Variants in RBM6 observed in about 807,000 individuals in gnomAD.
RBM6 encodes RNA binding motif protein 6, also known as RNA-binding protein 6.
In RBM6, 23 loss-of-function variants were observed where a neutral mutation model predicts 140.4. That is an observed-to-expected ratio of 0.16 (90% CI 0.12 to 0.23). The LOEUF (loss-of-function observed/expected upper bound fraction) is 0.23. RBM6 is among the 10% of genes least tolerant of loss of function. The pLI, the probability that RBM6 is intolerant of heterozygous loss-of-function variation, is 1.00. For missense variants in RBM6, 1,139 were observed against 1,386.7 expected (o/e 0.82, Z 2.84); for synonymous variants, 439 against 475.6 (o/e 0.92, Z 1.00).
intron 7 of RBM6, among the ~76,000 whole-genome samples, chr3:50,049,860 T>TC (rs1320381518): frequency 6.6e-6 from 1 of 152,016 alleles, no homozygotes; most frequent in African/African-American, 2.4e-5. Flanking sequence ...TTTTTTTTTT[T>TC]TTTTTAAATA....
chr3:50,049,508 A>T (rs2089376331), intron 7 of RBM6, among the ~76,000 whole-genome samples: 2 of 152,186 alleles, frequency 1.3e-5, no homozygotes, highest in Non-Finnish European at 2.9e-5. Flanking sequence ...TATGAAAAAT[A>T]TATAAAGTTT....
chr3:50,054,514 T>C, intron 8 of RBM6, 119 bp downstream of exon 8: 1 of 980,184 alleles, frequency 1.0e-6, no homozygotes, highest in South Asian at 1.4e-5. Flanking sequence ...AAACCTTTTT[T>C]TTTTTTTTTG....
intron 1 of RBM6, among the ~76,000 whole-genome samples, chr3:49,952,488 G>A (rs1469759253): frequency 6.8e-6 from 1 of 147,490 alleles, no homozygotes; most frequent in Admixed American, 6.8e-5. Context: ...TTTAAATTAG[G>A]TTACTTATCC....
chr3:49,991,918 C>CTTTAT (rs138310398), intron 5 of RBM6, among the ~76,000 whole-genome samples: 11,180 of 132,924 alleles, frequency 0.084, 1,466 homozygotes, highest in African/African-American at 0.29. Context: ...ATCCCAGAGC[C>CTTTAT]TTTATTTTAT....
At chr3:49,991,598 T>C (rs1318966779) in intron 5 of RBM6, among the ~76,000 whole-genome samples, 1 of 152,168 alleles carries the variant, frequency 6.6e-6, no homozygotes, top group East Asian at 1.9e-4. Flanking sequence ...ACAGACCAAG[T>C]ATCTTTCTGT....
In RBM6 at chr3:49,967,521, T is replaced by G; in HGVS notation, c.96T>G (p.Pro32=). ...CCGGGTGGAACAGGGATTATCCTCC[T>G]CCTCCCCTTAAGAGTCATGCTCAAG... ...FAPGWNRDYP[P]PPLKSHAQER... Residue 32 remains proline, a synonymous_variant, in exon 3 of 21, where the codon CCT becomes CCG. Coordinates refer to ENST00000266022, the MANE Select transcript of RBM6 (RefSeq NM_005777.3). The surrounding 1 kb of genome is among the most constrained non-coding windows in gnomAD (Gnocchi z 4.0). 7 of 1,614,126 alleles carry G rather than the reference T, an allele frequency of 4.3e-6. No homozygotes were observed. Among genetic ancestry groups the G allele is most frequent in the Non-Finnish European group, 5.9e-6 (7 of 1,180,016 alleles).
intron 1 of RBM6, among the ~76,000 whole-genome samples, chr3:49,956,634 C>A (rs1042979682): frequency 2.0e-5 from 3 of 148,314 alleles, no homozygotes; most frequent in Non-Finnish European, 3.0e-5. Flanking sequence ...GCCTGGCCCA[C>A]GCTTTATTTT....
At chr3:49,941,604 CA>C (rs1424715750) in intron 1 of RBM6, among the ~76,000 whole-genome samples, 1 of 132,730 alleles carries the variant, frequency 7.5e-6, no homozygotes, top group East Asian at 2.4e-4. Flanking sequence ...TGCTCCATTG[CA>C]CTCCAGCCTG....
rs79479418 is a variant in RBM6, at chr3:50,043,021, T to G, written c.1558-5224T>G. 7.5e-3 allele frequency among the ~76,000 whole-genome samples: 1,148 copies of G among 152,322 alleles called. 7 individuals are homozygous for G. Among genetic ancestry groups the G allele is most frequent in the South Asian group, 0.013 (62 of 4,830 alleles). ...TCTGGAGTGCAAATATCTAGCTTTT[T>G]GCAGCTTCATATTAAGATTTCTTGA... On this transcript the variant is annotated intron_variant, in intron 6 of 20. Transcript: ENST00000266022.
intron 8 of RBM6, among the ~76,000 whole-genome samples, chr3:50,057,076 G>C (rs1486680087): frequency 6.6e-6 from 1 of 152,152 alleles, no homozygotes; most frequent in African/African-American, 2.4e-5. Context: ...CAGATGTGTT[G>C]TTATCATTGA....
chr3:50,022,921 A>G (rs905245316), intron 6 of RBM6, among the ~76,000 whole-genome samples: 4 of 152,048 alleles, frequency 2.6e-5, no homozygotes, highest in Admixed American at 6.6e-5. Flanking sequence ...CAATGTAGCA[A>G]AACCCCATCT....
chr3:49,988,623 C>T (rs908599842), intron 5 of RBM6, among the ~76,000 whole-genome samples: 2 of 152,180 alleles, frequency 1.3e-5, no homozygotes, highest in African/African-American at 4.8e-5. Context: ...TGAATGCCCA[C>T]AGATGCTTTT....
chr3:50,074,727 T>C (rs1272973121), intron 19 of RBM6, among the ~76,000 whole-genome samples: 2 of 152,240 alleles, frequency 1.3e-5, no homozygotes, highest in African/African-American at 4.8e-5. Flanking sequence ...GTAGTCTGTG[T>C]ACCCAGCAAC....
intron 6 of RBM6, among the ~76,000 whole-genome samples, chr3:50,042,579 T>C (rs2088986203): frequency 6.6e-6 from 1 of 151,568 alleles, no homozygotes; most frequent in African/African-American, 2.4e-5. Flanking sequence ...ACAAAAAAAT[T>C]TAAAAATTAG....
At chr3:50,004,770 C>T (rs2086501467) in intron 6 of RBM6, among the ~76,000 whole-genome samples, 1 of 152,004 alleles carries the variant, frequency 6.6e-6, no homozygotes, top group South Asian at 2.1e-4. Flanking sequence ...AGGCACCTGC[C>T]ACCATGTTCG....
At chr3:49,942,218 G>C (rs2083315750) in intron 1 of RBM6, among the ~76,000 whole-genome samples, 1 of 151,908 alleles carries the variant, frequency 6.6e-6, no homozygotes, top group Non-Finnish European at 1.5e-5. Context: ...AGCCAGGCAC[G>C]GTGGCTCACG....
chr3:49,969,490 T>C (rs2084681303), intron 3 of RBM6, among the ~76,000 whole-genome samples: 1 of 147,268 alleles, frequency 6.8e-6, no homozygotes, highest in Non-Finnish European at 1.5e-5. Flanking sequence ...AATATATATG[T>C]ATATATATGA....
Position 50,059,752 on chromosome 3 carries a change from G to A in RBM6, c.2228+6G>A. The A allele has an allele frequency of 1.9e-6, 3 of 1,610,370 alleles. No individual in the cohort carries two copies. Among genetic ancestry groups the A allele is most frequent in the Middle Eastern group, 1.7e-4 (1 of 6,048 alleles). ...CTGGCCACTGGAAAACGAAGGTAAGGCAGAAGGGTGAGGATCTCTTGTGCT... is the reference window on the plus strand; with the variant it reads ...CTGGCCACTGGAAAACGAAGGTAAGACAGAAGGGTGAGGATCTCTTGTGCT... On this transcript the variant is annotated splice_donor_region_variant and intron_variant, in intron 11 of 20. Coordinates refer to ENST00000266022, the MANE Select transcript of RBM6 (RefSeq NM_005777.3).
At chr3:50,048,137 C>A in intron 6 of RBM6, 108 bp from the exon 7 acceptor site, 1 of 1,500,532 alleles carries the variant, frequency 6.7e-7, no homozygotes, top group Non-Finnish European at 8.9e-7. Context: ...TAAGCTCACT[C>A]TTTATAAAAT....
Sources: allele counts gnomAD v4.1 joint callset (sites outside exome capture counted in the v4.1 genomes callset), GRCh38; gene constraint gnomAD v4.1.1; non-coding constraint Gnocchi (gnomAD v3.1); transcripts MANE v1.5; gene names NCBI Gene and HGNC (gene_info 2026-07-23, HGNC 2026-07-21).